MIA2: variants seen among roughly 807,000 people sequenced by gnomAD.
MIA2 encodes melanoma inhibitory activity protein 2.
MIA2 carries 127 observed loss-of-function variants against 167.8 expected under a neutral mutation model. That is an observed-to-expected ratio of 0.76 (90% CI 0.66 to 0.88). The LOEUF (loss-of-function observed/expected upper bound fraction) is 0.88. MIA2 is among the 40% of genes least tolerant of loss of function. The probability of loss-of-function intolerance (pLI) is 0.00; values close to 1 mark genes in which losing one functional copy is unlikely to be tolerated. For synonymous variants in MIA2, 552 were observed against 541.9 expected, an observed-to-expected ratio of 1.02 and a Z score of -0.26; for missense variants, 1,690 against 1,624.7, an observed-to-expected ratio of 1.04 and a Z score of -0.69.
intron 6 of MIA2, among the ~76,000 whole-genome samples, chr14:39,262,793 C>T (rs2055187171): frequency 6.6e-6 from 1 of 152,110 alleles, no homozygotes; most frequent in African/African-American, 2.4e-5. Flanking sequence ...AATGGGAGTT[C>T]ACTCATGATT....
downstream of MIA2, among the ~76,000 whole-genome samples, chr14:39,354,169 A>G (rs1389296491): frequency 6.6e-6 from 1 of 152,238 alleles, no homozygotes; most frequent in Non-Finnish European, 1.5e-5. Flanking sequence ...GAACTAGTTT[A>G]CAGTCCCACT....
intron 18 of MIA2, 148 bp from the exon 19 acceptor site, chr14:39,313,190 CAG>C (rs1490447712): frequency 4.3e-5 from 18 of 415,978 alleles, no homozygotes; most frequent in Non-Finnish European, 7.9e-5. Context: ...AATATTTACA[CAG>C]ATACTTTTTT....
At chr14:39,318,137 G>T (rs2065824402) in intron 22 of MIA2, 126 bp downstream of exon 22, 3 of 643,448 alleles carry the variant, frequency 4.7e-6, no homozygotes, top group Non-Finnish European at 7.8e-6. Flanking sequence ...ATATCTATTA[G>T]TTTTACTAGG....
chr14:39,383,354 A>G (rs1190109188), intron 23 of MIA2, among the ~76,000 whole-genome samples: 6 of 152,210 alleles, frequency 3.9e-5, no homozygotes, highest in Admixed American at 1.3e-4. Flanking sequence ...CTTTGATGCT[A>G]CTATTGTTAT....
chr14:39,354,657 T>A (rs28823387), downstream of MIA2, among the ~76,000 whole-genome samples: 13,009 of 152,224 alleles, frequency 0.085, 625 homozygotes, highest in South Asian at 0.18. Flanking sequence ...CTGAATGGTA[T>A]TGCCTAGGTT....
chr14:39,334,810 C>A (rs912463067), intron 25 of MIA2, among the ~76,000 whole-genome samples: 1 of 152,150 alleles, frequency 6.6e-6, no homozygotes, highest in African/African-American at 2.4e-5. Context: ...TCAGGTGATC[C>A]ACCTGCCTTG....
At chr14:39,311,350 A>G (rs1165692414) in intron 18 of MIA2, among the ~76,000 whole-genome samples, 9 of 28,422 alleles carry the variant, frequency 3.2e-4, no homozygotes, top group Admixed American at 3.0e-3. Context: ...TGCATATAGT[A>G]TAATTTAAGT....
At chr14:39,359,502 G>C (rs146291308) in intron 23 of MIA2, among the ~76,000 whole-genome samples, 1 of 152,298 alleles carries the variant, frequency 6.6e-6, no homozygotes, top group Non-Finnish European at 1.5e-5. Flanking sequence ...GCGCTTCCCA[G>C]GTGAGGCGAT....
chr14:39,313,449 A>C lies in MIA2; in HGVS notation c.3119+8A>C, dbSNP rs761605096. ...AGAGCTGGAGACCTATAGGTATTAA[A>C]TACATTTTTCTGGTTTCTTTTTTGG... is the stretch of plus-strand genomic sequence containing the variant. On this transcript the variant is annotated splice_region_variant and intron_variant, in intron 19 of 28. Coordinates refer to ENST00000640607, the MANE Select transcript of MIA2 (RefSeq NM_001329214.4). The C allele has an allele frequency of 5.3e-6, 8 of 1,504,060 alleles. No individual in the cohort carries two copies. Among genetic ancestry groups the C allele is most frequent in the Non-Finnish European group, 7.2e-6 (8 of 1,115,764 alleles). The allele number at this position is 1,504,060 out of a possible 1,614,324, so 93.2% of individuals were successfully genotyped here.
At chr14:39,323,962 A>T (rs2066964072) in intron 24 of MIA2, among the ~76,000 whole-genome samples, 1 of 152,344 alleles carries the variant, frequency 6.6e-6, no homozygotes, top group Non-Finnish European at 1.5e-5. Context: ...ATCCGAACTA[A>T]AAGTTTCTAT....
intron 25 of MIA2, among the ~76,000 whole-genome samples, chr14:39,331,416 C>T (rs1190643228): frequency 1.3e-5 from 2 of 152,172 alleles, no homozygotes; most frequent in East Asian, 3.8e-4. Flanking sequence ...TCCAATTTGC[C>T]ATTCTCTGTC....
intron 25 of MIA2, among the ~76,000 whole-genome samples, chr14:39,334,295 C>T (rs990921852): frequency 4.6e-5 from 7 of 152,012 alleles, no homozygotes; most frequent in African/African-American, 7.2e-5. Flanking sequence ...GCTAACATGG[C>T]AAAACCCTGT....
At chr14:39,358,131 A>T (rs895960144) in intron 23 of MIA2, among the ~76,000 whole-genome samples, 11 of 152,298 alleles carry the variant, frequency 7.2e-5, no homozygotes, top group Non-Finnish European at 1.3e-4. Flanking sequence ...TCTCCTGGAT[A>T]ATATCCTGCA....
intron 3 of MIA2, among the ~76,000 whole-genome samples, chr14:39,245,836 C>G (rs2054278007): frequency 6.6e-6 from 1 of 152,244 alleles, no homozygotes; most frequent in South Asian, 2.1e-4. Flanking sequence ...TCACCTCTCA[C>G]CAGGCCTCAC....
chr14:39,349,383 G>A (rs910373081), intron 28 of MIA2, among the ~76,000 whole-genome samples: 11 of 152,140 alleles, frequency 7.2e-5, no homozygotes, highest in African/African-American at 2.7e-4. Context: ...AAGTAGTTCT[G>A]ATGCAGTCCT....
Position 39,284,469 on chromosome 14 carries a change from A to G in MIA2, c.2130+4932A>G, listed in dbSNP as rs535532250. On this transcript the variant is annotated intron_variant, in intron 9 of 28. Coordinates refer to ENST00000640607, the MANE Select transcript of MIA2 (RefSeq NM_001329214.4). ...TGACTACAGCTTTGGAATATAATTT[A>G]AAATGAGTTAGTCTGATGCTGCCAA... Among the ~76,000 whole-genome samples, 11 of 152,306 alleles carry G rather than the reference A, an allele frequency of 7.2e-5. No homozygotes were observed. The South Asian group carries it at 2.3e-3, about 32-fold the overall frequency.
chr14:39,238,104 A>G (rs1251913366), intron 2 of MIA2, among the ~76,000 whole-genome samples: 1 of 152,042 alleles, frequency 6.6e-6, no homozygotes, highest in Non-Finnish European at 1.5e-5. Flanking sequence ...TGTGTTTCTG[A>G]GCAAATGAAG....
intron 9 of MIA2, among the ~76,000 whole-genome samples, chr14:39,287,552 A>T (rs1287485211): frequency 6.6e-6 from 1 of 151,350 alleles, no homozygotes; most frequent in African/African-American, 2.4e-5. Context: ...TATTTTAAAA[A>T]TTTTATTATT....
chr14:39,335,637 G>GT (rs2070207688), intron 25 of MIA2, among the ~76,000 whole-genome samples: 2 of 152,040 alleles, frequency 1.3e-5, no homozygotes, highest in African/African-American at 4.8e-5. Flanking sequence ...GATTCACAGG[G>GT]TACATGTGCA....
Sources: allele counts gnomAD v4.1 joint callset (sites outside exome capture counted in the v4.1 genomes callset), GRCh38; gene constraint gnomAD v4.1.1; transcripts MANE v1.5; gene names NCBI Gene and HGNC (gene_info 2026-07-23, HGNC 2026-07-21).